ZFHX3: variants seen among roughly 807,000 people sequenced by gnomAD.
ZFHX3 encodes zinc finger homeobox 3.
A neutral mutation model predicts 279.1 loss-of-function variants in ZFHX3; 42 were observed. That is an observed-to-expected ratio of 0.15 (90% CI 0.12 to 0.19). The LOEUF is 0.19. Among genes scored for constraint, ZFHX3 ranks in the 10% least tolerant of loss-of-function variants. The probability of loss-of-function intolerance (pLI) is 1.00; values close to 1 mark genes in which losing one functional copy is unlikely to be tolerated. For missense variants in ZFHX3, 4,981 were observed against 4,754.0 expected (o/e 1.05, Z -1.40); for synonymous variants, 2,293 against 1,957.8 (o/e 1.17, Z -4.52).
At chr16:73,551,042 A>G (rs2020196408) in intron 2 of ZFHX3, among the ~76,000 whole-genome samples, 1 of 152,236 alleles carries the variant, frequency 6.6e-6, no homozygotes, top group African/African-American at 2.4e-5. Flanking sequence ...CATTATTGCT[A>G]CTATTTAAAC....
At chr16:73,535,464 C>G (rs775224749) in intron 2 of ZFHX3, among the ~76,000 whole-genome samples, 8 of 152,130 alleles carry the variant, frequency 5.3e-5, no homozygotes, top group Non-Finnish European at 1.2e-4. Context: ...AGGGTCTCCC[C>G]TAGAGACAGG....
At chr16:73,071,823 C>T (rs1965830111) in intron 8 of ZFHX3, among the ~76,000 whole-genome samples, 1 of 152,180 alleles carries the variant, frequency 6.6e-6, no homozygotes, top group Non-Finnish European at 1.5e-5. Flanking sequence ...TGCCTGGAAA[C>T]TGCTTTGAAA....
intron 2 of ZFHX3, among the ~76,000 whole-genome samples, chr16:73,566,661 T>C (rs889918506): frequency 2.7e-5 from 4 of 150,562 alleles, no homozygotes; most frequent in Non-Finnish European, 4.4e-5. Flanking sequence ...GCTGGGACTA[T>C]AGGTGCAGAC....
intron 4 of ZFHX3, among the ~76,000 whole-genome samples, chr16:72,881,249 A>C (rs1166585883): frequency 6.6e-6 from 1 of 152,236 alleles, no homozygotes; most frequent in Admixed American, 6.5e-5. Flanking sequence ...CTGGATTTAA[A>C]ATTTTATTTA....
chr16:73,568,361 T>G (rs1444750259), intron 2 of ZFHX3, among the ~76,000 whole-genome samples: 1 of 152,174 alleles, frequency 6.6e-6, no homozygotes, highest in Non-Finnish European at 1.5e-5. Context: ...ATCTTTCCAT[T>G]TGTAACAGCC....
At chr16:73,617,798 C>A (rs1025651583) in intron 2 of ZFHX3, among the ~76,000 whole-genome samples, 8 of 152,096 alleles carry the variant, frequency 5.3e-5, no homozygotes, top group Admixed American at 2.6e-4. Context: ...TCACTCAAAT[C>A]ATAAGAATTG....
intron 5 of ZFHX3, among the ~76,000 whole-genome samples, chr16:73,244,969 G>T (rs189333795): frequency 7.2e-5 from 11 of 152,292 alleles, no homozygotes; most frequent in African/African-American, 2.4e-4. Context: ...ATTGCAGGTG[G>T]AGGTCAAAGC....
chr16:72,795,192 G>A lies in ZFHX3; in HGVS notation c.7490C>T (p.Ser2497Leu), dbSNP rs756694889. ...APPPQCPLPQ[S>L]SPSPSQLSHL... is the part of the protein sequence containing the mutation. ...GGAGAGCTGGGAAGGACTGGGGCTC[G>A]ACTGGGGTAAGGGGCACTGTGGAGG... The change falls in exon 9 of 10, where the codon TCG becomes TTG. Residue 2497 changes from serine to leucine, a missense_variant. Physicochemically the swap from Ser to Leu is moderately radical, Grantham distance 145. Around this residue, in one of 7 missense-constraint regions of ZFHX3, gnomAD observed 744 missense variants for 701.3 expected, o/e 1.06. Transcript: ENST00000268489. 2.0e-5 allele frequency: 32 copies of A among 1,606,968 alleles called. No individual in the cohort carries two copies. Among genetic ancestry groups the A allele is most frequent in the Middle Eastern group, 1.7e-4 (1 of 6,022 alleles).
chr16:73,599,125 G>T (rs1449317303), intron 2 of ZFHX3, among the ~76,000 whole-genome samples: 11 of 152,204 alleles, frequency 7.2e-5, no homozygotes, highest in Non-Finnish European at 7.3e-5. Flanking sequence ...GGATGAGTTT[G>T]TTCTCTGTGA....
At chr16:73,641,953 T>G (rs1016584162) in intron 2 of ZFHX3, among the ~76,000 whole-genome samples, 4 of 152,052 alleles carry the variant, frequency 2.6e-5, no homozygotes, top group Non-Finnish European at 5.9e-5. Context: ...ACGCGAGCTC[T>G]GGGCAGGGAT....
At chr16:73,649,311 G>A (rs530839268) in intron 2 of ZFHX3, among the ~76,000 whole-genome samples, 1 of 152,260 alleles carries the variant, frequency 6.6e-6, no homozygotes, top group South Asian at 2.1e-4. Context: ...GTTGGTTTCT[G>A]GCTTTGGTCT....
intron 1 of ZFHX3, among the ~76,000 whole-genome samples, chr16:73,017,094 G>T (rs1382351721): frequency 6.6e-6 from 1 of 151,934 alleles, no homozygotes; most frequent in African/African-American, 2.4e-5. Flanking sequence ...AGGCGTGGGG[G>T]CATGTGCCTG....
intron 6 of ZFHX3, among the ~76,000 whole-genome samples, chr16:73,135,338 C>T (rs1966769309): frequency 6.6e-6 from 1 of 152,240 alleles, no homozygotes; most frequent in East Asian, 1.9e-4. Flanking sequence ...TCAGAAAGAA[C>T]AGATGGAGCA....
At chr16:73,447,529 AG>A (rs896100691) in intron 3 of ZFHX3, among the ~76,000 whole-genome samples, 17 of 152,168 alleles carry the variant, frequency 1.1e-4, no homozygotes, top group African/African-American at 4.1e-4. Flanking sequence ...CAAGATTAGA[AG>A]CTCTCTACCT....
At chr16:73,636,195 T>C (rs996497475) in intron 2 of ZFHX3, among the ~76,000 whole-genome samples, 2 of 152,304 alleles carry the variant, frequency 1.3e-5, no homozygotes, top group East Asian at 3.9e-4. Flanking sequence ...TCTCCAACTG[T>C]GTATTACTAG....
chr16:73,286,878 G>C (rs1348179491), intron 4 of ZFHX3, among the ~76,000 whole-genome samples: 1 of 149,352 alleles, frequency 6.7e-6, no homozygotes, highest in South Asian at 2.1e-4. Flanking sequence ...GGGTGTGTGG[G>C]TTGGTGTGTG....
At chr16:73,363,746 T>C (rs2016475674) in intron 3 of ZFHX3, among the ~76,000 whole-genome samples, 1 of 152,166 alleles carries the variant, frequency 6.6e-6, no homozygotes, top group Non-Finnish European at 1.5e-5. Flanking sequence ...CTACAGAATT[T>C]GCATTTCGCA....
At chr16:73,879,767 T>C (rs1214925312) in intron 1 of ZFHX3, among the ~76,000 whole-genome samples, 1 of 151,994 alleles carries the variant, frequency 6.6e-6, no homozygotes, top group African/African-American at 2.4e-5. Flanking sequence ...GCCAGATAAT[T>C]ACTGTAGGAT....
At chr16:73,738,928 G>A (rs1041875170) in intron 1 of ZFHX3, among the ~76,000 whole-genome samples, 2 of 152,280 alleles carry the variant, frequency 1.3e-5, no homozygotes, top group African/African-American at 2.4e-5. Context: ...ACTTCCAGAA[G>A]CTTCCTTTCG....
Sources: allele counts gnomAD v4.1 joint callset (sites outside exome capture counted in the v4.1 genomes callset), GRCh38; gene constraint gnomAD v4.1.1; regional missense constraint gnomAD v4.1.1; transcripts MANE v1.5; gene names NCBI Gene and HGNC (gene_info 2026-07-23, HGNC 2026-07-21).